Variants in OSBPL6 observed in about 807,000 individuals in gnomAD.
OSBPL6 encodes the protein oxysterol-binding protein-related protein 6.
Under a neutral mutation model 125.8 loss-of-function variants are expected in OSBPL6, and 49 were observed. That is an observed-to-expected ratio of 0.39 (90% CI 0.31 to 0.49). The LOEUF (loss-of-function observed/expected upper bound fraction) is 0.49, where lower values mean the gene tolerates loss of function less well. Ranked by LOEUF, OSBPL6 falls within the 20% of genes least tolerant of loss-of-function variation. The pLI is 0.88. For synonymous variants in OSBPL6, 394 were observed against 391.8 expected (o/e 1.01, Z -0.07); for missense variants, 986 against 1,135.4 (o/e 0.87, Z 1.89).
rs528020763 is a variant in OSBPL6, at chr2:178,349,241, C to T, written c.1005C>T (p.Thr335=). Residue 335 remains threonine, a synonymous_variant, in exon 12 of 25, where the codon ACC becomes ACT. Coordinates refer to ENST00000190611, the MANE Select transcript of OSBPL6 (RefSeq NM_032523.4). ...KIQLQVPFSA[T]MSPVRLHSSN... is the part of the protein sequence containing the mutation. ...CCTTTCAGGTTCCTTTCAGTGCTAC[C>T]ATGTCACCAGTTCGCTTGCATTCCT... The T allele has an allele frequency of 1.2e-6, 2 of 1,613,966 alleles. No homozygotes were observed. The highest frequency in any genetic ancestry group is 2.7e-5 in the African/African-American group (2 of 74,902).
intron 1 of OSBPL6, among the ~76,000 whole-genome samples, chr2:178,214,889 T>C (rs1431602566): frequency 6.6e-6 from 1 of 152,126 alleles, no homozygotes; most frequent in Admixed American, 6.5e-5. Context: ...AGATCGAGGC[T>C]GCTGTGTGAG....
chr2:178,314,948 A>G lies in OSBPL6; in HGVS notation c.102+8662A>G, dbSNP rs138394238. ...ACCTTGTAGGCAGCATTTGTCAATC[A>G]TTTTTTAGTTAGGTATTGCCTCCTC... is the stretch of plus-strand genomic sequence containing the variant. On this transcript the variant is annotated intron_variant, in intron 3 of 24. Transcript: ENST00000190611. 3.5e-3 allele frequency among the ~76,000 whole-genome samples: 537 copies of G among 152,264 alleles called. 3 individuals are homozygous for G. Among genetic ancestry groups the G allele is most frequent in the Non-Finnish European group, 5.8e-3 (392 of 68,010 alleles).
Position 178,336,444 on chromosome 2 carries a change from G to T in OSBPL6, c.790+11G>T, listed in dbSNP as rs370001886. 1 of 1,612,510 alleles carries T rather than the reference G, an allele frequency of 6.2e-7. No homozygotes were observed. The highest frequency in any genetic ancestry group is 8.5e-7 in the Non-Finnish European group (1 of 1,179,412). ...ACAGGTGTGCAGAAGGTTAGTTCTT[G>T]CCCAGTGTGGCCTGAGAGTAAGCCA... On this transcript the variant is annotated intron_variant, in intron 9 of 24. Coordinates refer to ENST00000190611, the MANE Select transcript of OSBPL6 (RefSeq NM_032523.4).
intron 1 of OSBPL6, among the ~76,000 whole-genome samples, chr2:178,226,787 C>T (rs1472422610): frequency 6.6e-6 from 1 of 152,068 alleles, no homozygotes; most frequent in Non-Finnish European, 1.5e-5. Flanking sequence ...AACGGATTTC[C>T]TTAGTTTTCT....
At chr2:178,258,132 A>G (rs1228671980) in intron 1 of OSBPL6, among the ~76,000 whole-genome samples, 4 of 147,858 alleles carry the variant, frequency 2.7e-5, no homozygotes, top group Admixed American at 6.8e-5. Context: ...ATGGAGTCTC[A>G]CTCTGTCACC....
chr2:178,347,990 A>C (rs980023474), intron 11 of OSBPL6, among the ~76,000 whole-genome samples: 1 of 152,180 alleles, frequency 6.6e-6, no homozygotes, highest in Non-Finnish European at 1.5e-5. Context: ...GCTGCATCAG[A>C]AGGACGCTCT....
chr2:178,254,954 A>G (rs768210505), intron 1 of OSBPL6, among the ~76,000 whole-genome samples: 6 of 152,210 alleles, frequency 3.9e-5, no homozygotes, highest in Non-Finnish European at 7.3e-5. Flanking sequence ...AGGCCTCACA[A>G]TCATGGCGGA....
intron 2 of OSBPL6, among the ~76,000 whole-genome samples, chr2:178,295,814 G>A (rs1217652637): frequency 1.3e-5 from 2 of 151,836 alleles, no homozygotes; most frequent in Non-Finnish European, 1.5e-5. Context: ...ATTAATGGAG[G>A]TACTGTGTTT....
At chr2:178,316,122 C>T (rs1397975509) in intron 3 of OSBPL6, among the ~76,000 whole-genome samples, 1 of 152,146 alleles carries the variant, frequency 6.6e-6, no homozygotes. Flanking sequence ...CCTCAACTCC[C>T]AATTAAGAGC....
Position 178,388,147 on chromosome 2 carries a change from C to T in OSBPL6, c.2157-862C>T, listed in dbSNP as rs141196200. Among the ~76,000 whole-genome samples, 899 of 152,210 alleles carry T rather than the reference C, an allele frequency of 5.9e-3. 10 individuals carry two copies. Among genetic ancestry groups the T allele is most frequent in the African/African-American group, 0.021 (861 of 41,524 alleles). On this transcript the variant is annotated intron_variant, in intron 20 of 24. Transcript: ENST00000190611. The stretch of plus-strand genomic sequence containing the variant: ...ACATTTCATTTGAAAATATATGTAA[C>T]GTACAAACTTAAATGTGATTTGAAG...
At chr2:178,393,732 G>A (rs1434085) in intron 23 of OSBPL6, among the ~76,000 whole-genome samples, 81,527 of 151,972 alleles carry the variant, frequency 0.54, 22,593 homozygotes, top group East Asian at 0.75. Context: ...CTATTTCAGT[G>A]TTCCTTTTCT....
chr2:178,311,225 C>A (rs1286474446), intron 3 of OSBPL6, among the ~76,000 whole-genome samples: 1 of 152,194 alleles, frequency 6.6e-6, no homozygotes, highest in African/African-American at 2.4e-5. Flanking sequence ...AACACACCCA[C>A]CTCAGGGCCT....
intron 9 of OSBPL6, among the ~76,000 whole-genome samples, chr2:178,338,222 C>A (rs960177257): frequency 6.6e-6 from 1 of 152,030 alleles, no homozygotes; most frequent in Non-Finnish European, 1.5e-5. Context: ...CATGAGCCAC[C>A]GCACCCAGCC....
chr2:178,349,604 A>G (rs1691049267), intron 12 of OSBPL6, among the ~76,000 whole-genome samples: 1 of 152,222 alleles, frequency 6.6e-6, no homozygotes, highest in Non-Finnish European at 1.5e-5. Flanking sequence ...AAAGAAAGAA[A>G]GTGCCATGGG....
At chr2:178,269,670 C>A (rs1214837356) in intron 1 of OSBPL6, among the ~76,000 whole-genome samples, 1 of 152,168 alleles carries the variant, frequency 6.6e-6, no homozygotes, top group Admixed American at 6.5e-5. Context: ...CCAAACCCTG[C>A]CTCTCCCTTT....
chr2:178,384,017 C>T (rs750363135), intron 17 of OSBPL6, 22 bp from the exon 18 acceptor site: 2 of 1,611,570 alleles, frequency 1.2e-6, no homozygotes, highest in South Asian at 1.1e-5. Flanking sequence ...ATATTATTCC[C>T]TTTTCTTCAA....
chr2:178,253,097 C>G (rs1480402048), intron 1 of OSBPL6, among the ~76,000 whole-genome samples: 1 of 151,642 alleles, frequency 6.6e-6, no homozygotes. Flanking sequence ...TCTCGGCTCA[C>G]TGCAACCTCC....
chr2:178,359,851 G>C (rs1226372982), intron 12 of OSBPL6, among the ~76,000 whole-genome samples: 2 of 152,226 alleles, frequency 1.3e-5, no homozygotes, highest in African/African-American at 4.8e-5. Context: ...ACTTTGGGAG[G>C]CTGCAGTGAG....
chr2:178,211,759 C>T (rs933532669), intron 1 of OSBPL6, among the ~76,000 whole-genome samples: 9 of 152,104 alleles, frequency 5.9e-5, no homozygotes, highest in African/African-American at 2.2e-4. Context: ...ATTCCCAGCT[C>T]GGAGCCACAT....
Sources: allele counts gnomAD v4.1 joint callset (sites outside exome capture counted in the v4.1 genomes callset), GRCh38; gene constraint gnomAD v4.1.1; transcripts MANE v1.5; gene names NCBI Gene and HGNC (gene_info 2026-07-23, HGNC 2026-07-21).